PPIP5K2: variants seen among roughly 807,000 people sequenced by gnomAD.
PPIP5K2 encodes diphosphoinositol pentakisphosphate kinase 2, also known as inositol hexakisphosphate and diphosphoinositol-pentakisphosphate kinase 2.
In PPIP5K2, 105 loss-of-function variants were observed where a neutral mutation model predicts 154.6. That is an observed-to-expected ratio of 0.68 (90% CI 0.58 to 0.80). The LOEUF is 0.80. Ranked by LOEUF, PPIP5K2 falls within the 30% of genes least tolerant of loss-of-function variation. PPIP5K2 has a pLI of 0.00. For missense variants in PPIP5K2, 992 were observed against 1,504.6 expected (o/e 0.66, Z 5.64); for synonymous variants, 480 against 490.3 (o/e 0.98, Z 0.28).
chr5:103,209,341 G>A lies in PPIP5K2; in HGVS notation c.*7707G>A, dbSNP rs1803680243. The A allele has an allele frequency of 6.6e-6, 1 of 151,952 alleles. No individual in the cohort carries two copies. Among genetic ancestry groups the A allele is most frequent in the African/African-American group, 2.4e-5 (1 of 41,368 alleles). The allele number at this position is 151,952 out of a possible 1,614,324, so 9.4% of individuals were successfully genotyped here. ...AAACCAAAAAATAAAGGTTATTCTA[G>A]CATCTTCTCCTTTTAAAAATCTTTA... is the stretch of plus-strand genomic sequence containing the variant. On this transcript the variant is annotated 3_prime_UTR_variant, in exon 31 of 31. Coordinates refer to ENST00000358359, the MANE Select transcript of PPIP5K2 (RefSeq NM_001276277.3).
At position 103,195,036 on chromosome 5, in the gene PPIP5K2, T is replaced by C; in HGVS notation, c.3619+11T>C. On this transcript the variant is annotated intron_variant, in intron 30 of 30. Coordinates refer to ENST00000358359, the MANE Select transcript of PPIP5K2 (RefSeq NM_001276277.3). ...CAAGCAGCAAACCAGGTAAGGGGTG[T>C]GTGTGTTGAGTTTGTGGATTTGCAC... 6.2e-7 allele frequency: 1 copy of C among 1,604,994 alleles called. No individual in the cohort carries two copies. The highest frequency in any genetic ancestry group is 8.5e-7 in the Non-Finnish European group (1 of 1,177,498).
In PPIP5K2 at chr5:103,205,941, A is replaced by G. The variant is rs1413580768; in HGVS notation, c.*4307A>G. 6.6e-6 allele frequency: 1 copy of G among 152,096 alleles called. No homozygotes were observed. The highest frequency in any genetic ancestry group is 1.5e-5 in the Non-Finnish European group (1 of 68,018). The allele number at this position is 152,096 out of a possible 1,614,324, so 9.4% of individuals were successfully genotyped here. A position where few individuals can be genotyped will look rare whatever the true frequency, so the allele number is the denominator to read the frequency against. Reference sequence around the variant, plus strand: ...TTTTAGGTTATTTAATATAGTATATATTGGGTTTTGCTTTGTGATTCAATT... The same window carrying G: ...TTTTAGGTTATTTAATATAGTATATGTTGGGTTTTGCTTTGTGATTCAATT... On this transcript the variant is annotated 3_prime_UTR_variant, in exon 31 of 31. Transcript: ENST00000358359.
intron 25 of PPIP5K2, among the ~76,000 whole-genome samples, chr5:103,184,076 G>A (rs1169554557): frequency 6.6e-6 from 1 of 152,168 alleles, no homozygotes; most frequent in African/African-American, 2.4e-5. Context: ...AGGACTTCCT[G>A]TGATGACATT....
At chr5:103,187,248 T>C in intron 27 of PPIP5K2, 66 bp from the exon 28 acceptor site, 1 of 1,252,084 alleles carries the variant, frequency 8.0e-7, no homozygotes, top group Non-Finnish European at 1.1e-6. Context: ...GTTTTTCCCC[T>C]CTTTCTTTTA....
Position 103,152,729 on chromosome 5 carries a change from A to G in PPIP5K2, c.1110A>G (p.Val370=). 6.4e-7 allele frequency: 1 copy of G among 1,572,260 alleles called. No individual in the cohort carries two copies. Among genetic ancestry groups the G allele is most frequent in the Non-Finnish European group, 8.7e-7 (1 of 1,143,052 alleles). Reference sequence around the variant, plus strand: ...TAGAAGCTGAAGATATCCCAATTGTACCAACTACATCTGGAACTATGTAAG... The same window carrying G: ...TAGAAGCTGAAGATATCCCAATTGTGCCAACTACATCTGGAACTATGTAAG... ...IPLEAEDIPI[V]PTTSGTMMEL... The change falls in exon 10 of 31, where the codon GTA becomes GTG. Residue 370 remains valine, a synonymous_variant. Transcript: ENST00000358359.
chr5:103,173,373 G>T, intron 20 of PPIP5K2, 91 bp downstream of exon 20: 1 of 1,375,838 alleles, frequency 7.3e-7, no homozygotes, highest in East Asian at 2.4e-5. Context: ...TATGAAGTCA[G>T]AAGTGTGTCA....
At chr5:103,181,174 A>G (rs1486270562) in intron 24 of PPIP5K2, among the ~76,000 whole-genome samples, 2 of 152,006 alleles carry the variant, frequency 1.3e-5, no homozygotes, top group African/African-American at 4.8e-5. Flanking sequence ...ACTTTAAATA[A>G]GTTTTATTTG....
At chr5:103,146,868 T>G (rs1324208888) in intron 6 of PPIP5K2, among the ~76,000 whole-genome samples, 187 bp downstream of exon 6, 5 of 152,010 alleles carry the variant, frequency 3.3e-5, no homozygotes, top group Admixed American at 1.3e-4. Context: ...TTAATGTTGT[T>G]AAGCAGAATT....
At chr5:103,138,942 G>A (rs1020555332) in intron 5 of PPIP5K2, among the ~76,000 whole-genome samples, 6 of 152,202 alleles carry the variant, frequency 3.9e-5, no homozygotes, top group Admixed American at 6.5e-5. Context: ...TACGGAATTC[G>A]TGGGTCCCAC....
chr5:103,183,102 G>A (rs1554223498), intron 24 of PPIP5K2, 132 bp from the exon 25 acceptor site: 1 of 835,782 alleles, frequency 1.2e-6, no homozygotes, highest in Non-Finnish European at 1.6e-6. Flanking sequence ...AAATTAATAA[G>A]CAAATATGAA....
rs1348369483 is a variant in PPIP5K2 at position 103,212,618 on chromosome 5, CTT to C, written c.*10985_*10986del. ...ATAAGGATGCTATTTAATAGACTCT[CTT>C]AGATTTTTCATAAAATGCTAATAGA... On this transcript the variant is annotated 3_prime_UTR_variant, in exon 31 of 31. Coordinates refer to ENST00000358359, the MANE Select transcript of PPIP5K2 (RefSeq NM_001276277.3). 4 of 152,170 alleles carry C rather than the reference CTT, an allele frequency of 2.6e-5. No homozygotes were observed. The highest frequency in any genetic ancestry group is 9.6e-5 in the African/African-American group (4 of 41,548). 9.4% of individuals were successfully genotyped at this position (152,170 alleles called of 1,614,324 possible). A position where few individuals can be genotyped will look rare whatever the true frequency, so the allele number is the denominator to read the frequency against.
intron 1 of PPIP5K2, among the ~76,000 whole-genome samples, chr5:103,123,038 T>C (rs1789036847): frequency 6.6e-6 from 1 of 152,196 alleles, no homozygotes; most frequent in Non-Finnish European, 1.5e-5. Flanking sequence ...AAACGGGAGT[T>C]TCTGTGGCTT....
rs1554232471 is a variant in PPIP5K2, at chr5:103,209,568, C to G, written c.*7934C>G. The G allele has an allele frequency of 6.6e-6, 1 of 152,036 alleles. No homozygotes were observed. The highest frequency in any genetic ancestry group is 1.5e-5 in the Non-Finnish European group (1 of 68,008). 9.4% of individuals were successfully genotyped at this position (152,036 alleles called of 1,614,324 possible). ...GAAAGATGTAACTTGACAAGGAAAG[C>G]AGTCTCTTTTGTCATTCTACATTTA... is the stretch of plus-strand genomic sequence containing the variant. On this transcript the variant is annotated 3_prime_UTR_variant, in exon 31 of 31. Coordinates refer to ENST00000358359, the MANE Select transcript of PPIP5K2 (RefSeq NM_001276277.3).
chr5:103,198,186 GT>G (rs1428001433), intron 30 of PPIP5K2, among the ~76,000 whole-genome samples: 1 of 151,832 alleles, frequency 6.6e-6, no homozygotes, highest in African/African-American at 2.4e-5. Flanking sequence ...AATATTCAGG[GT>G]TTTTTTATTG....
At chr5:103,141,801 G>C (rs1444287245) in intron 5 of PPIP5K2, among the ~76,000 whole-genome samples, 1 of 151,642 alleles carries the variant, frequency 6.6e-6, no homozygotes, top group Non-Finnish European at 1.5e-5. Context: ...CCCTGAGCTA[G>C]AAATAAAGGT....
intron 17 of PPIP5K2, among the ~76,000 whole-genome samples, chr5:103,160,929 T>G (rs989859377): frequency 6.7e-6 from 1 of 148,908 alleles, no homozygotes. Flanking sequence ...TGTCAAACTG[T>G]TTTTTTTTTC....
intron 21 of PPIP5K2, among the ~76,000 whole-genome samples, chr5:103,175,552 A>C (rs1798580858): frequency 1.3e-5 from 2 of 152,140 alleles, no homozygotes; most frequent in Non-Finnish European, 2.9e-5. Flanking sequence ...GAAAGCCTGT[A>C]GTTGGAGAAT....
chr5:103,141,851 A>G (rs1792741838), intron 5 of PPIP5K2, among the ~76,000 whole-genome samples: 1 of 152,146 alleles, frequency 6.6e-6, no homozygotes, highest in South Asian at 2.1e-4. Flanking sequence ...CAGAGTGTAG[A>G]TTGGTGCACT....
chr5:103,183,723 ACTTGT>A (rs1386807619), intron 25 of PPIP5K2, among the ~76,000 whole-genome samples: 1 of 152,156 alleles, frequency 6.6e-6, no homozygotes, highest in Non-Finnish European at 1.5e-5. Context: ...ATCTTTTTTG[ACTTGT>A]CTTTTAAAAC....
Sources: allele counts gnomAD v4.1 joint callset (sites outside exome capture counted in the v4.1 genomes callset), GRCh38; gene constraint gnomAD v4.1.1; transcripts MANE v1.5; gene names NCBI Gene and HGNC (gene_info 2026-07-23, HGNC 2026-07-21).